Variants in AK5 observed in about 807,000 individuals in gnomAD.
The protein encoded by AK5 is adenylate kinase 5.
A neutral mutation model predicts 69.5 loss-of-function variants in AK5; 27 were observed. That is an observed-to-expected ratio of 0.39 (90% CI 0.29 to 0.54). The LOEUF (loss-of-function observed/expected upper bound fraction) is 0.54. Ranked by LOEUF, AK5 falls within the 20% of genes least tolerant of loss-of-function variation. AK5 has a pLI of 0.71. For synonymous variants in AK5, 260 were observed against 244.4 expected (o/e 1.06, Z -0.60); for missense variants, 531 against 700.4 (o/e 0.76, Z 2.73).
rs565768389 is a variant in AK5 at position 77,483,734 on chromosome 1, T to C, written c.1102+375T>C. ...TGCAGTAAAAAGAGTTGTTAAACTTTAATTCAACATTCATTAAACATAATT... is the reference window on the plus strand; with the variant it reads ...TGCAGTAAAAAGAGTTGTTAAACTTCAATTCAACATTCATTAAACATAATT... On this transcript the variant is annotated intron_variant, in intron 9 of 13. Transcript: ENST00000354567. Among the ~76,000 whole-genome samples, 4 of 152,392 alleles carry C rather than the reference T, an allele frequency of 2.6e-5. No individual in the cohort carries two copies. In the East Asian group the frequency reaches 7.7e-4, roughly 29 times the overall value.
rs1491319905 is a variant in AK5 at position 77,367,673 on chromosome 1, A to ACGTT, written c.891+27105_891+27106insCGTT. Among the ~76,000 whole-genome samples the ACGTT allele has an allele frequency of 7.7e-3, 266 of 34,500 alleles. 39 individuals carry two copies. The highest frequency in any genetic ancestry group is 0.026 in the East Asian group (21 of 818). 22.6% of individuals were successfully genotyped at this position (34,500 alleles called of 152,430 possible). On this transcript the variant is annotated intron_variant, in intron 6 of 13. Transcript: ENST00000354567. ...TATATGTTATATATATGTTATATAT[A>ACGTT]ATATATATGTTATATATACGTTATA...
At chr1:77,547,495 A>G (rs1287415896) in intron 13 of AK5, among the ~76,000 whole-genome samples, 1 of 152,084 alleles carries the variant, frequency 6.6e-6, no homozygotes, top group Non-Finnish European at 1.5e-5. Context: ...GATGGTCTCA[A>G]TCTCTTAACC....
At chr1:77,378,979 A>G (rs533570208) in intron 6 of AK5, among the ~76,000 whole-genome samples, 2 of 152,306 alleles carry the variant, frequency 1.3e-5, no homozygotes, top group South Asian at 2.1e-4. Context: ...CTGGGCAGAA[A>G]CACACCACAG....
intron 8 of AK5, among the ~76,000 whole-genome samples, chr1:77,448,741 A>C (rs1008202784): frequency 2.0e-5 from 3 of 152,194 alleles, no homozygotes; most frequent in South Asian, 2.1e-4. Context: ...AGAAAGAGAG[A>C]AGAGCTGTGG....
intron 6 of AK5, among the ~76,000 whole-genome samples, chr1:77,356,155 ATAAAG>A (rs1289856859): frequency 2.0e-5 from 3 of 152,188 alleles, no homozygotes; most frequent in African/African-American, 7.2e-5. Flanking sequence ...CTACACTCGC[ATAAAG>A]TAAATTGAAA....
chr1:77,444,354 GTATATATAGTATAAATA>G (rs1557598418), intron 8 of AK5, among the ~76,000 whole-genome samples: 506 of 40,382 alleles, frequency 0.013, 44 homozygotes, highest in Non-Finnish European at 0.018. Flanking sequence ...CAATATATGT[GTATATATAGTATAAATA>G]TATACTATAT....
At chr1:77,391,173 G>T (rs1466860889) in intron 6 of AK5, among the ~76,000 whole-genome samples, 1 of 151,952 alleles carries the variant, frequency 6.6e-6, no homozygotes, top group Non-Finnish European at 1.5e-5. Flanking sequence ...TCCAGCCTCA[G>T]CCTGGTTGCA....
chr1:77,440,084 T>C (rs779754292), intron 8 of AK5, among the ~76,000 whole-genome samples: 8 of 152,198 alleles, frequency 5.3e-5, no homozygotes, highest in Non-Finnish European at 1.2e-4. Flanking sequence ...TTTTATACTT[T>C]CATGTTTTTT....
intron 8 of AK5, among the ~76,000 whole-genome samples, chr1:77,472,659 G>T (rs1401501703): frequency 2.0e-5 from 3 of 151,962 alleles, no homozygotes; most frequent in Non-Finnish European, 4.4e-5. Flanking sequence ...AAGGCAGGTG[G>T]ATCGCTTGAG....
chr1:77,335,743 G>A (rs1409610700), intron 5 of AK5, among the ~76,000 whole-genome samples: 2 of 152,148 alleles, frequency 1.3e-5, no homozygotes, highest in Non-Finnish European at 2.9e-5. Context: ...TACCTGCTGT[G>A]GTGATCTTGG....
intron 2 of AK5, among the ~76,000 whole-genome samples, chr1:77,291,471 T>A (rs1382980185): frequency 6.6e-6 from 1 of 152,106 alleles, no homozygotes; most frequent in Non-Finnish European, 1.5e-5. Context: ...ATATTTCATT[T>A]CATTGTTTCC....
intron 13 of AK5, among the ~76,000 whole-genome samples, chr1:77,546,527 T>C (rs923827963): frequency 2.0e-5 from 3 of 152,136 alleles, no homozygotes; most frequent in African/African-American, 7.2e-5. Flanking sequence ...GTGGCCAACA[T>C]GGTGAAACTC....
At chr1:77,297,067 AT>A (rs1450558076) in intron 3 of AK5, among the ~76,000 whole-genome samples, 9 of 152,318 alleles carry the variant, frequency 5.9e-5, no homozygotes, top group African/African-American at 2.2e-4. Context: ...ATGAGCAAAC[AT>A]TTCAAAAAAG....
chr1:77,367,882 A>ATGTT (rs1257129454), intron 6 of AK5, among the ~76,000 whole-genome samples: 3 of 19,654 alleles, frequency 1.5e-4, no homozygotes, highest in Non-Finnish European at 2.6e-4. Flanking sequence ...TATATAATAT[A>ATGTT]AAATATATGT....
rs1654247228 is a variant in AK5, at chr1:77,467,993, G to A, written c.1060-15324G>A. 1.3e-5 allele frequency among the ~76,000 whole-genome samples: 2 copies of A among 152,358 alleles called. 1 individual carries two copies. Among genetic ancestry groups the A allele is most frequent in the South Asian group, 4.1e-4 (2 of 4,828 alleles). On this transcript the variant is annotated intron_variant, in intron 8 of 13. Transcript: ENST00000354567. ...TCACTGAAGGCTGAGACCAGCAGCA[G>A]CAGCAGCTCCAGAATGTTTACAGAA...
Position 77,319,148 on chromosome 1 carries a change from G to C in AK5, c.699+21201G>C, listed in dbSNP as rs577798225. 5.9e-5 allele frequency among the ~76,000 whole-genome samples: 9 copies of C among 152,278 alleles called. No individual in the cohort carries two copies. The East Asian group carries it at 1.7e-3, about 29-fold the overall frequency. On this transcript the variant is annotated intron_variant, in intron 5 of 13. Transcript: ENST00000354567. ...GATGTATGAAGAAAGGTTCCTTATA[G>C]GGGCCTTGACCTTTAGTAGAGAGAG...
At chr1:77,316,025 A>G (rs1660224961) in intron 5 of AK5, among the ~76,000 whole-genome samples, 1 of 152,164 alleles carries the variant, frequency 6.6e-6, no homozygotes, top group Non-Finnish European at 1.5e-5. Context: ...TAAGGTGTGA[A>G]GTATGCTGTT....
chr1:77,303,389 A>G (rs1240903974), intron 5 of AK5, among the ~76,000 whole-genome samples: 2 of 152,266 alleles, frequency 1.3e-5, no homozygotes, highest in African/African-American at 4.8e-5. Context: ...CTTCAAAATA[A>G]CAATAAATCC....
chr1:77,363,629 T>C (rs1240545585), intron 6 of AK5, among the ~76,000 whole-genome samples: 2 of 152,172 alleles, frequency 1.3e-5, no homozygotes, highest in Non-Finnish European at 2.9e-5. Context: ...CCTCTTTGTT[T>C]ATCCCACTTC....
Sources: gnomAD v4.1 joint callset for allele counts (sites outside exome capture counted in the v4.1 genomes callset) on GRCh38, gnomAD v4.1.1 for gene constraint, MANE v1.5 for transcripts, NCBI Gene and HGNC (gene_info 2026-07-23, HGNC 2026-07-21) for gene names.